Variants in C19orf44 observed in about 807,000 individuals in gnomAD.
C19orf44 encodes chromosome 19 open reading frame 44.
A neutral mutation model predicts 50.7 loss-of-function variants in C19orf44; 43 were observed. The ratio of observed to expected loss-of-function variants is 0.85; its 90% CI spans 0.66 to 1.09. The LOEUF is 1.09. Ranked by LOEUF, C19orf44 falls within the 50% of genes least tolerant of loss-of-function variation. C19orf44 has a pLI of 0.00. For synonymous variants in C19orf44, 298 were observed against 334.7 expected, an observed-to-expected ratio of 0.89 and a Z score of 1.20; for missense variants, 722 against 836.2, an observed-to-expected ratio of 0.86 and a Z score of 1.68.
rs1056904636 is a variant in C19orf44, at chr19:16,501,084, G to T, written c.292G>T (p.Ala98Ser). The T allele has an allele frequency of 1.2e-6, 2 of 1,613,966 alleles. No homozygotes were observed. The highest frequency in any genetic ancestry group is 1.7e-6 in the Non-Finnish European group (2 of 1,180,034). ...AGCCAATGCCGCACTCATGAAGCTG[G>T]CCCAGCTGGAAACCCGGATCATGAA... ...IRANAALMKL[A>S]QLETRIMNRK... The change falls in exon 2 of 9, where the codon GCC becomes TCC. Residue 98 changes from alanine to serine, a missense_variant. By Grantham distance (99) the Ala-to-Ser change is moderately conservative. Transcript: ENST00000221671.
Position 16,519,410 on chromosome 19 carries a change from TG to T in C19orf44, c.*41-678del. The stretch of plus-strand genomic sequence containing the variant: ...AGGCGGAGGCAGATGGGGGTGCACG[TG>T]GGGGGCTGAATGTCCAGACAGGCAG... On this transcript the variant is annotated intron_variant, in intron 8 of 8. Transcript: ENST00000221671. The surrounding 1 kb of genome is among the most constrained non-coding windows in gnomAD (Gnocchi z 6.0). 1.3e-6 allele frequency: 2 copies of T among 1,539,910 alleles called. No homozygotes were observed. The highest frequency in any genetic ancestry group is 1.8e-6 in the Non-Finnish European group (2 of 1,130,568).
intron 1 of C19orf44, among the ~76,000 whole-genome samples, chr19:16,497,352 CTT>C (rs71180303): frequency 1.6e-5 from 2 of 127,028 alleles, no homozygotes; most frequent in Admixed American, 9.1e-5. Flanking sequence ...TTTTTCTTTC[CTT>C]TTTTTTTTTT....
intron 1 of C19orf44, among the ~76,000 whole-genome samples, chr19:16,497,429 C>T (rs1166899582): frequency 1.3e-5 from 2 of 149,342 alleles, no homozygotes; most frequent in Non-Finnish European, 3.0e-5. Flanking sequence ...CGGCTCACTG[C>T]GAACTCCGCC....
Position 16,521,189 on chromosome 19 carries a change from A to G in C19orf44, c.*1136A>G. 5.2e-6 allele frequency: 3 copies of G among 579,262 alleles called. No individual in the cohort carries two copies. 35.9% of individuals were successfully genotyped at this position (579,262 alleles called of 1,614,324 possible). A position where few individuals can be genotyped will look rare whatever the true frequency, so the allele number is the denominator to read the frequency against. ...GTGGAACTGGGAAACAGGAACACTG[A>G]CTCATGGGTGGACAGGCCTGCAGCC... On this transcript the variant is annotated 3_prime_UTR_variant, in exon 9 of 9. Coordinates refer to ENST00000221671, the MANE Select transcript of C19orf44 (RefSeq NM_032207.4).
At chr19:16,510,468 C>G (rs1422276084) in intron 5 of C19orf44, among the ~76,000 whole-genome samples, 1 of 152,108 alleles carries the variant, frequency 6.6e-6, no homozygotes, top group African/African-American at 2.4e-5. Context: ...GGGACAGCCG[C>G]CCTCGTGTGT....
At position 16,520,204 on chromosome 19, in the gene C19orf44, T is replaced by TGGACCGGGACCGCGACTG; in HGVS notation, c.*161_*178dup. ...CGTCTTCTTCCTGGGGAGTACGACT[T>TGGACCGGGACCGCGACTG]GGACCGGGACCGCGACTGGGACCGG... On this transcript the variant is annotated 3_prime_UTR_variant, in exon 9 of 9. Coordinates refer to ENST00000221671, the MANE Select transcript of C19orf44 (RefSeq NM_032207.4). The surrounding 1 kb of genome is among the most constrained non-coding windows in gnomAD (Gnocchi z 4.0). 6.2e-7 allele frequency: 1 copy of TGGACCGGGACCGCGACTG among 1,613,306 alleles called. No homozygotes were observed. Among genetic ancestry groups the TGGACCGGGACCGCGACTG allele is most frequent in the East Asian group, 2.2e-5 (1 of 44,864 alleles).
rs1437918311 is a variant in C19orf44, at chr19:16,521,326, T to A, written c.*1273T>A. 3 of 584,820 alleles carry A rather than the reference T, an allele frequency of 5.1e-6. No individual in the cohort carries two copies. The East Asian group carries it at 8.6e-5, about 17-fold the overall frequency. The allele number at this position is 584,820 out of a possible 1,614,324, so 36.2% of individuals were successfully genotyped here. A position where few individuals can be genotyped will look rare whatever the true frequency, so the allele number is the denominator to read the frequency against. On this transcript the variant is annotated 3_prime_UTR_variant, in exon 9 of 9. Coordinates refer to ENST00000221671, the MANE Select transcript of C19orf44 (RefSeq NM_032207.4). ...ACCTTCCCTAACTTCTTCTGATGTG[T>A]CTCCATTAAAACGCCCTTCATTGAG...
In C19orf44 at chr19:16,519,433, G is replaced by T; in HGVS notation, c.*41-661G>T. On this transcript the variant is annotated intron_variant, in intron 8 of 8. Transcript: ENST00000221671. The surrounding 1 kb of genome is among the most constrained non-coding windows in gnomAD (Gnocchi z 6.0). ...CGTGGGGGGCTGAATGTCCAGACAG[G>T]CAGTGTAGACATGGGAAATGGGTAG... 6.9e-7 allele frequency: 1 copy of T among 1,452,428 alleles called. No individual in the cohort carries two copies. The highest frequency in any genetic ancestry group is 9.5e-7 in the Non-Finnish European group (1 of 1,057,882). 90.0% of individuals were successfully genotyped at this position (1,452,428 alleles called of 1,614,324 possible).
intron 8 of C19orf44, among the ~76,000 whole-genome samples, chr19:16,517,554 C>T (rs1234155335): frequency 6.6e-6 from 1 of 152,212 alleles, no homozygotes; most frequent in Non-Finnish European, 1.5e-5. Context: ...AGCTCAGTGA[C>T]AGCTCTCCCA....
rs751495942 is a variant in C19orf44 at position 16,500,877 on chromosome 19, G to C, written c.85G>C (p.Glu29Gln). The change falls in exon 2 of 9, where the codon GAA becomes CAA. Residue 29 changes from glutamate (E) to glutamine (Q), a missense_variant. Physicochemically the swap from Glu to Gln is conservative, Grantham distance 29. Coordinates refer to ENST00000221671, the MANE Select transcript of C19orf44 (RefSeq NM_032207.4). Reference sequence around the variant, plus strand: ...TGTTTCCTTGGAAGATTCAACAATGGAAGAAATCAGAAACTTCCAGATCAG... The same window carrying C: ...TGTTTCCTTGGAAGATTCAACAATGCAAGAAATCAGAAACTTCCAGATCAG... ...SDVSLEDSTM[E>Q]EIRNFQISRN... The C allele has an allele frequency of 3.7e-6, 6 of 1,613,080 alleles. No homozygotes were observed. The highest frequency in any genetic ancestry group is 5.1e-6 in the Non-Finnish European group (6 of 1,179,786).
chr19:16,502,586 T>G (rs902526787), intron 2 of C19orf44, among the ~76,000 whole-genome samples: 2 of 152,154 alleles, frequency 1.3e-5, no homozygotes, highest in Admixed American at 1.3e-4. Flanking sequence ...AATATTGTAC[T>G]GTGACTTTCA....
chr19:16,520,032 C>G lies in C19orf44; in HGVS notation c.*41-62C>G, dbSNP rs992212583. 1.2e-5 allele frequency: 13 copies of G among 1,088,864 alleles called. No homozygotes were observed. The highest frequency in any genetic ancestry group is 1.8e-5 in the Non-Finnish European group (13 of 735,104). 67.5% of individuals were successfully genotyped at this position (1,088,864 alleles called of 1,614,324 possible). A position where few individuals can be genotyped will look rare whatever the true frequency, so the allele number is the denominator to read the frequency against. ...GAAGGGTGAGGGGTGCCACTGTCCCCGGGCTAATGCTGGCGGCCTCCTAAC... is the reference window on the plus strand; with the variant it reads ...GAAGGGTGAGGGGTGCCACTGTCCCGGGGCTAATGCTGGCGGCCTCCTAAC... On this transcript the variant is annotated intron_variant, in intron 8 of 8. Coordinates refer to ENST00000221671, the MANE Select transcript of C19orf44 (RefSeq NM_032207.4). The surrounding 1 kb of genome is among the most constrained non-coding windows in gnomAD (Gnocchi z 4.0).
chr19:16,505,400 G>A (rs1473414247), intron 3 of C19orf44, among the ~76,000 whole-genome samples: 1 of 151,418 alleles, frequency 6.6e-6, no homozygotes, highest in Non-Finnish European at 1.5e-5. Flanking sequence ...TTTTAGTAGA[G>A]ACGGGATTTC....
At chr19:16,514,123 G>A (rs1208911665) in intron 6 of C19orf44, among the ~76,000 whole-genome samples, 1 of 151,830 alleles carries the variant, frequency 6.6e-6, no homozygotes, top group Non-Finnish European at 1.5e-5. Flanking sequence ...AAGTAGCTGG[G>A]ACTACAGGTG....
At position 16,517,233 on chromosome 19, in the gene C19orf44, A is replaced by C. The variant is rs1190564791; in HGVS notation, c.1906A>C (p.Ile636Leu). Residue 636 changes from isoleucine to leucine, a missense_variant, in exon 8 of 9, where the codon ATT (isoleucine) becomes CTT (leucine). Physicochemically the swap from Ile to Leu is conservative, Grantham distance 5. Coordinates refer to ENST00000221671, the MANE Select transcript of C19orf44 (RefSeq NM_032207.4). ...TGGTCTGTTCTCTGCCTGACAGTAC[A>C]TTAGGTGCCACAGACCTGCCCCACT... ...YHTLEEAKEY[I>L]RCHRPAPLTM... 1 of 1,613,916 alleles carries C rather than the reference A, an allele frequency of 6.2e-7. No homozygotes were observed. The highest frequency in any genetic ancestry group is 2.2e-5 in the East Asian group (1 of 44,888).
chr19:16,501,264 C>T lies in C19orf44; in HGVS notation c.472C>T (p.Leu158Phe), dbSNP rs775869881. 6.2e-7 allele frequency: 1 copy of T among 1,614,050 alleles called. No homozygotes were observed. Among genetic ancestry groups the T allele is most frequent in the East Asian group, 2.2e-5 (1 of 44,896 alleles). ...AACTTCCCAGAATCAAGCCCGTGAA[C>T]TTCCTGTCACCGAAAATAATGCACA... Reference protein sequence around the residue: ...DKTSQNQARELPVTENNAQNA... With the variant: ...DKTSQNQAREFPVTENNAQNA... Residue 158 changes from leucine to phenylalanine, a missense_variant, in exon 2 of 9, where the codon CTT becomes TTT. Physicochemically the swap from Leu to Phe is conservative, Grantham distance 22. Transcript: ENST00000221671.
At chr19:16,505,978 G>A (rs990768756) in intron 3 of C19orf44, among the ~76,000 whole-genome samples, 4 of 150,970 alleles carry the variant, frequency 2.6e-5, no homozygotes, top group Non-Finnish European at 4.4e-5. Context: ...CACCATGCCC[G>A]ATGATTATTA....
intron 7 of C19orf44, among the ~76,000 whole-genome samples, 173 bp downstream of exon 7, chr19:16,514,836 C>T (rs1838412883): frequency 6.6e-6 from 1 of 152,236 alleles, no homozygotes; most frequent in Non-Finnish European, 1.5e-5. Context: ...TCCTGCCACC[C>T]TGTGGCAAAA....
chr19:16,497,600 T>C (rs1378050858), intron 1 of C19orf44, among the ~76,000 whole-genome samples: 1 of 152,012 alleles, frequency 6.6e-6, no homozygotes, highest in Non-Finnish European at 1.5e-5. Flanking sequence ...CCGCCCGCCT[T>C]AGCCTCCCAA....
Sources: allele counts gnomAD v4.1 joint callset (sites outside exome capture counted in the v4.1 genomes callset), GRCh38; gene constraint gnomAD v4.1.1; non-coding constraint Gnocchi (gnomAD v3.1); transcripts MANE v1.5; gene names NCBI Gene and HGNC (gene_info 2026-07-23, HGNC 2026-07-21).